The following KIAA0586 variants were observed in gnomAD, a reference collection of about 807,000 sequenced individuals.
KIAA0586 encodes KIAA0586, also known as protein TALPID3.
In KIAA0586, 144 loss-of-function variants were observed where a neutral mutation model predicts 169.8. That is an observed-to-expected ratio of 0.85 (90% CI 0.74 to 0.97). KIAA0586 has a LOEUF of 0.97. Among genes scored for constraint, KIAA0586 ranks in the 50% least tolerant of loss-of-function variants. The pLI, the probability that KIAA0586 is intolerant of heterozygous loss-of-function variation, is 0.00. For synonymous variants in KIAA0586, 625 were observed against 612.4 expected (o/e 1.02, Z -0.30); for missense variants, 1,854 against 1,823.0 (o/e 1.02, Z -0.31).
chr14:58,524,969 T>G (rs2045477320), intron 29 of KIAA0586, among the ~76,000 whole-genome samples: 1 of 152,176 alleles, frequency 6.6e-6, no homozygotes, highest in Non-Finnish European at 1.5e-5. Flanking sequence ...CCTCCCAAAG[T>G]GCTAGGATAA....
intron 27 of KIAA0586, among the ~76,000 whole-genome samples, chr14:58,504,342 C>T (rs556287895): frequency 5.9e-5 from 9 of 152,092 alleles, no homozygotes; most frequent in African/African-American, 2.2e-4. Context: ...CTAAGAAATC[C>T]CTAGGTTTCT....
chr14:58,458,492 A>G lies in KIAA0586; in HGVS notation c.1603A>G (p.Arg535Gly). 2 of 1,542,376 alleles carry G rather than the reference A, an allele frequency of 1.3e-6. No homozygotes were observed. Among genetic ancestry groups the G allele is most frequent in the East Asian group, 2.4e-5 (1 of 41,430 alleles). Residue 535 changes from arginine to glycine, a missense_variant, in exon 12 of 31, where the codon AGG becomes GGG. By Grantham distance (125) the Arg-to-Gly change is moderately radical. Transcript: ENST00000652326. Reference protein sequence around the residue: ...STNREMSEKIRIRKTVDEWIK... With the variant: ...STNREMSEKIGIRKTVDEWIK... The stretch of plus-strand genomic sequence containing the variant: ...TTATAGAGAGATGTCAGAGAAAATT[A>G]GGATCAGAAAGACAGTGGATGAATG...
chr14:58,551,781 A>G (rs1204745117), downstream of KIAA0586, among the ~76,000 whole-genome samples: 4 of 152,078 alleles, frequency 2.6e-5, no homozygotes, highest in African/African-American at 9.7e-5. Context: ...AAAAATTATT[A>G]TTATATAATT....
chr14:58,436,477 A>C (rs930039384), intron 4 of KIAA0586, among the ~76,000 whole-genome samples: 2 of 152,230 alleles, frequency 1.3e-5, no homozygotes, highest in African/African-American at 4.8e-5. Flanking sequence ...ATGTTCTTGG[A>C]TGGGAAGACT....
Position 58,448,414 on chromosome 14 carries a change from A to T in KIAA0586, c.882A>T (p.Glu294Asp), listed in dbSNP as rs1307580131. ...GTATGCCCTCCTCCAGAGCAGTGGAAAAGTATTCCGTAAAACCAGAACACC... is the reference window on the plus strand; with the variant it reads ...GTATGCCCTCCTCCAGAGCAGTGGATAAGTATTCCGTAAAACCAGAACACC... ...PVSMPSSRAV[E>D]KYSVKPEHPN... Residue 294 changes from glutamate to aspartate, a missense_variant, in exon 7 of 31, where the codon GAA becomes GAT. Transcript: ENST00000652326. 6.2e-7 allele frequency: 1 copy of T among 1,611,178 alleles called. No individual in the cohort carries two copies. Among genetic ancestry groups the T allele is most frequent in the African/African-American group, 1.3e-5 (1 of 74,858 alleles).
Position 58,474,618 on chromosome 14 carries a change from A to C in KIAA0586, c.2646A>C (p.Lys882Asn), listed in dbSNP as rs749120043. ...EIIDVIQEEE[K>N]CDEIPDSEPI... ...TTTGTTACTACCAGGAAGAAGAAAAATGTGATGAAATTCCAGACTCTGAAC... is the reference window on the plus strand; with the variant it reads ...TTTGTTACTACCAGGAAGAAGAAAACTGTGATGAAATTCCAGACTCTGAAC... Residue 882 changes from lysine to asparagine, a missense_variant, in exon 19 of 31, where the codon AAA (lysine) becomes AAC (asparagine). Transcript: ENST00000652326. The C allele has an allele frequency of 6.3e-7, 1 of 1,580,544 alleles. No homozygotes were observed. The highest frequency in any genetic ancestry group is 8.6e-7 in the Non-Finnish European group (1 of 1,168,428).
In KIAA0586 at chr14:58,444,567, G is replaced by A. The variant is rs371061007; in HGVS notation, c.807+392G>A. On this transcript the variant is annotated intron_variant, in intron 6 of 30. Coordinates refer to ENST00000652326, the MANE Select transcript of KIAA0586 (RefSeq NM_001329943.3). The stretch of plus-strand genomic sequence containing the variant: ...GCCTCCCATATAGTTGGGATTACAG[G>A]CGCACACCACCACGCCCAGCTAATT... Among the ~76,000 whole-genome samples, 3 of 151,924 alleles carry A rather than the reference G, an allele frequency of 2.0e-5. No individual in the cohort carries two copies. The East Asian group carries it at 5.8e-4, about 29-fold the overall frequency.
chr14:58,547,384 C>G (rs1192402511), intron 30 of KIAA0586, among the ~76,000 whole-genome samples: 1 of 152,114 alleles, frequency 6.6e-6, no homozygotes, highest in Non-Finnish European at 1.5e-5. Flanking sequence ...AAAGTAGGTA[C>G]TATTATCCCA....
chr14:58,554,988 T>TGAAATGAGTTCCACAGTCACTGAATA (rs1462912108), downstream of KIAA0586, among the ~76,000 whole-genome samples: 3 of 152,048 alleles, frequency 2.0e-5, no homozygotes, highest in Non-Finnish European at 2.9e-5. Context: ...ACTGTTATGG[T>TGAAATGAGTTCCACAGTCACTGAATA]GAAATGAGTT....
rs529594623 is a variant in KIAA0586, at chr14:58,488,942, A to G, written c.3781+68A>G. 774 of 1,472,256 alleles carry G rather than the reference A, an allele frequency of 5.3e-4. 5 individuals are homozygous for G. The South Asian group carries it at 7.1e-3, about 13-fold the overall frequency. The allele number at this position is 1,472,256 out of a possible 1,614,324, so 91.2% of individuals were successfully genotyped here. The stretch of plus-strand genomic sequence containing the variant: ...CTAATTCCCTAAGTAATACTTTTCT[A>G]TTTAAAGTGTTTTTACTTAACTTTC... On this transcript the variant is annotated intron_variant, in intron 24 of 30. Coordinates refer to ENST00000652326, the MANE Select transcript of KIAA0586 (RefSeq NM_001329943.3).
At position 58,548,049 on chromosome 14, in the gene KIAA0586, C is replaced by A; in HGVS notation, c.*117C>A. ...TGAGCATATTCTGAAAAAAAAATTC[C>A]AATATTTTAAAATAAAACAAAAAGC... On this transcript the variant is annotated 3_prime_UTR_variant, in exon 31 of 31. Transcript: ENST00000652326. 1.7e-6 allele frequency: 2 copies of A among 1,208,252 alleles called. No homozygotes were observed. The highest frequency in any genetic ancestry group is 1.8e-5 in the South Asian group (1 of 56,170). The allele number at this position is 1,208,252 out of a possible 1,614,324, so 74.8% of individuals were successfully genotyped here.
chr14:58,557,866 C>A, the KIAA0586 span, among the ~76,000 whole-genome samples: 5 of 118,846 alleles, frequency 4.2e-5, no homozygotes, highest in Non-Finnish European at 1.7e-5. Context: ...GTAATCATGT[C>A]TTAGAAAGCT....
chr14:58,539,983 G>T, intron 29 of KIAA0586, 88 bp from the exon 30 acceptor site: 1 of 761,502 alleles, frequency 1.3e-6, no homozygotes, highest in Non-Finnish European at 2.2e-6. Flanking sequence ...GAGTGCATTT[G>T]GTTTGTGTTC....
In KIAA0586 at chr14:58,461,115, C is replaced by G; in HGVS notation, c.2014C>G (p.Pro672Ala). 6.2e-7 allele frequency: 1 copy of G among 1,609,928 alleles called. No homozygotes were observed. Among genetic ancestry groups the G allele is most frequent in the Non-Finnish European group, 8.5e-7 (1 of 1,178,172 alleles). The change falls in exon 14 of 31, where the codon CCT (proline) becomes GCT (alanine). Residue 672 changes from proline (P) to alanine (A), a missense_variant. Pro to Ala is a conservative substitution (Grantham distance 27). Transcript: ENST00000652326. ...GPYLRFNSPSPKSRPQRPKVI... is the reference protein window; with the variant it reads ...GPYLRFNSPSAKSRPQRPKVI... ...ATATCTCAGATTTAATTCTCCATCT[C>G]CTAAGTCCAGACCACAGAGACCAAA...
chr14:58,553,533 T>C (rs1456140782), downstream of KIAA0586, among the ~76,000 whole-genome samples: 4 of 132,316 alleles, frequency 3.0e-5, no homozygotes, highest in African/African-American at 1.2e-4. Flanking sequence ...CAAAAATATC[T>C]GGGTTTTTTT....
Position 58,434,840 on chromosome 14 carries a change from G to A in KIAA0586, c.410+2383G>A, listed in dbSNP as rs1030127615. On this transcript the variant is annotated intron_variant, in intron 4 of 30. Transcript: ENST00000652326. ...GGCTGGAGTTCATGGGTAGGTTCAC[G>A]GCTCACTGCAGCCTTGACCTCCCAG... Among the ~76,000 whole-genome samples the A allele has an allele frequency of 2.6e-5, 4 of 151,946 alleles. No homozygotes were observed. In the East Asian group the frequency reaches 5.8e-4, roughly 22 times the overall value.
At chr14:58,466,462 A>G (rs575326269) in intron 15 of KIAA0586, among the ~76,000 whole-genome samples, 1 of 152,298 alleles carries the variant, frequency 6.6e-6, no homozygotes, top group East Asian at 1.9e-4. Flanking sequence ...TTGGCTGGGC[A>G]CAGTGGCTCA....
intron 1 of KIAA0586, 99 bp from the exon 2 acceptor site, chr14:58,429,264 G>T: frequency 1.5e-6 from 1 of 670,544 alleles, no homozygotes; most frequent in Non-Finnish European, 2.6e-6. Flanking sequence ...CAACTTCTGC[G>T]TTATATGGAG....
intron 19 of KIAA0586, among the ~76,000 whole-genome samples, chr14:58,476,668 CT>C (rs10666323): frequency 8.4e-4 from 110 of 131,594 alleles, no homozygotes; most frequent in African/African-American, 2.6e-3. Flanking sequence ...TTCAGAGGTA[CT>C]TTTTTTTTTT....
Sources: gnomAD v4.1 joint callset for allele counts (sites outside exome capture counted in the v4.1 genomes callset) on GRCh38, gnomAD v4.1.1 for gene constraint, MANE v1.5 for transcripts, NCBI Gene and HGNC (gene_info 2026-07-23, HGNC 2026-07-21) for gene names.